TMPRSS15: variants seen among roughly 807,000 people sequenced by gnomAD.
TMPRSS15 encodes the protein transmembrane serine protease 15.
Under a neutral mutation model 125.3 loss-of-function variants are expected in TMPRSS15, and 128 were observed. The observed-to-expected ratio is 1.02, with a 90% CI of 0.89 to 1.18. The LOEUF (loss-of-function observed/expected upper bound fraction) is 1.18, where lower values mean the gene tolerates loss of function less well. TMPRSS15 is among the 50% of genes most tolerant of loss of function. TMPRSS15 has a pLI of 0.00. For missense variants in TMPRSS15, 1,283 were observed against 1,212.7 expected (o/e 1.06, Z -0.86); for synonymous variants, 446 against 423.2 (o/e 1.05, Z -0.66).
At chr21:18,411,898 C>T (rs1343691111) in intron 1 of TMPRSS15, among the ~76,000 whole-genome samples, 1 of 152,114 alleles carries the variant, frequency 6.6e-6, no homozygotes, top group African/African-American at 2.4e-5. Flanking sequence ...TGGCAGTATT[C>T]AAAAATAGAC....
intron 1 of TMPRSS15, among the ~76,000 whole-genome samples, chr21:18,470,544 A>C (rs1978757649): frequency 1.3e-5 from 2 of 152,078 alleles, no homozygotes; most frequent in Admixed American, 1.3e-4. Flanking sequence ...TGTATAAAAG[A>C]AGCAGTATAT....
At chr21:18,472,220 A>T in intron 1 of TMPRSS15, among the ~76,000 whole-genome samples, 1 of 152,160 alleles carries the variant, frequency 6.6e-6, no homozygotes, top group Non-Finnish European at 1.5e-5. Context: ...TATCACTAAA[A>T]AGAAATTTTT....
intron 18 of TMPRSS15, among the ~76,000 whole-genome samples, chr21:18,304,143 T>C (rs894908999): frequency 2.0e-5 from 3 of 152,176 alleles, no homozygotes; most frequent in Admixed American, 6.5e-5. Flanking sequence ...CGTGGGGGTC[T>C]GGGGTGGTTC....
intron 1 of TMPRSS15, among the ~76,000 whole-genome samples, chr21:18,427,838 T>G (rs1353041087): frequency 2.8e-5 from 1 of 36,058 alleles, no homozygotes; most frequent in Non-Finnish European, 5.1e-5. Context: ...ATTCACAACA[T>G]TTGAAGCTTT....
intron 1 of TMPRSS15, among the ~76,000 whole-genome samples, chr21:18,429,324 G>C (rs2076211289): frequency 6.6e-6 from 1 of 152,144 alleles, no homozygotes; most frequent in African/African-American, 2.4e-5. Flanking sequence ...AATGAGCTAA[G>C]ACTTTGGGGG....
intron 2 of TMPRSS15, 103 bp downstream of exon 2, chr21:18,398,096 C>T: frequency 7.1e-7 from 1 of 1,406,162 alleles, no homozygotes; most frequent in Non-Finnish European, 1.0e-6. Flanking sequence ...GTATCTTGGG[C>T]ATATTACATT....
At chr21:18,451,050 A>T (rs1009369475) in intron 1 of TMPRSS15, among the ~76,000 whole-genome samples, 3 of 152,130 alleles carry the variant, frequency 2.0e-5, no homozygotes, top group East Asian at 1.9e-4. Flanking sequence ...TGTTCTATCA[A>T]ATTTATGCAA....
chr21:18,292,422 C>T (rs961874579), intron 21 of TMPRSS15, among the ~76,000 whole-genome samples: 1 of 152,224 alleles, frequency 6.6e-6, no homozygotes, highest in East Asian at 1.9e-4. Context: ...GATCTGGATT[C>T]CTTTTCTCTG....
rs2122953291 is a variant in TMPRSS15, at chr21:18,462,550, TTAAAA to T, written c.10+23244_10+23248del. Among the ~76,000 whole-genome samples, 154 of 152,238 alleles carry T rather than the reference TTAAAA, an allele frequency of 1.0e-3. No homozygotes were observed. In the Middle Eastern group the frequency reaches 0.01, roughly 10 times the overall value. ...ACACCATTATATTTGAATAACATTG[TTAAAA>T]TAAAATAAAATAAAACTTTTGAAAC... On this transcript the variant is annotated intron_variant, in intron 1 of 7. Transcript: ENST00000422787.
intron 1 of TMPRSS15, among the ~76,000 whole-genome samples, chr21:18,430,624 C>G (rs1168516348): frequency 5.3e-5 from 8 of 152,154 alleles, no homozygotes; most frequent in African/African-American, 1.9e-4. Context: ...TTACTACAAT[C>G]TGCTGCTCTG....
chr21:18,322,215 T>C (rs573298916), intron 16 of TMPRSS15, among the ~76,000 whole-genome samples: 1 of 152,276 alleles, frequency 6.6e-6, no homozygotes, highest in South Asian at 2.1e-4. Flanking sequence ...AGGAAATAAA[T>C]GCTGATGAGG....
chr21:18,436,333 T>C (rs2076227829), intron 1 of TMPRSS15, among the ~76,000 whole-genome samples: 2 of 151,964 alleles, frequency 1.3e-5, no homozygotes, highest in Middle Eastern at 6.8e-3. Flanking sequence ...TATGTTGTGT[T>C]TTTGTTCTCA....
chr21:18,270,713 C>CAAACT (rs2074544814), intron 24 of TMPRSS15, among the ~76,000 whole-genome samples: 1 of 152,014 alleles, frequency 6.6e-6, no homozygotes. Context: ...TCTGAGATTT[C>CAAACT]AAACTAAGAA....
chr21:18,379,951 T>C (rs1204396239), intron 4 of TMPRSS15, among the ~76,000 whole-genome samples: 2 of 152,114 alleles, frequency 1.3e-5, no homozygotes, highest in African/African-American at 4.8e-5. Flanking sequence ...AAAAGTAATA[T>C]CTTCATAGTT....
In TMPRSS15 at chr21:18,397,724, A is replaced by T. The variant is rs1024408528; in HGVS notation, c.344+155T>A. On this transcript the variant is annotated intron_variant, in intron 3 of 24. Transcript: ENST00000284885. ...AAAGTTATTATTATTCGCTACTAAA[A>T]TGAAAGTTTATGCTGTGCCACTTTG... Among the ~76,000 whole-genome samples the T allele has an allele frequency of 3.9e-5, 6 of 152,180 alleles. 1 individual carries two copies. Among genetic ancestry groups the T allele is most frequent in the Admixed American group, 2.6e-4 (4 of 15,278 alleles).
chr21:18,338,650 T>G (rs1569017830), intron 13 of TMPRSS15, among the ~76,000 whole-genome samples: 1 of 152,086 alleles, frequency 6.6e-6, no homozygotes, highest in Non-Finnish European at 1.5e-5. Flanking sequence ...ACCAAAATTT[T>G]GTTTAACAAA....
chr21:18,342,488 C>A lies in TMPRSS15; in HGVS notation c.1429-940G>T, dbSNP rs77399590. On this transcript the variant is annotated intron_variant, in intron 12 of 24. Transcript: ENST00000284885. ...AGCCAAAGTGCACGTATCTGTAGAA[C>A]TTGACTCTCTCGCACCACCTCATGA... Among the ~76,000 whole-genome samples the A allele has an allele frequency of 3.0e-3, 460 of 152,348 alleles. 3 individuals are homozygous for A. The highest frequency in any genetic ancestry group is 0.011 in the African/African-American group (444 of 41,574).
At chr21:18,312,881 CTAATTTGATAG>C in intron 18 of TMPRSS15, 53 bp downstream of exon 18, 6 of 1,594,334 alleles carry the variant, frequency 3.8e-6, no homozygotes, top group Non-Finnish European at 5.2e-6. Context: ...CTTATTAAAC[CTAATTTGATAG>C]TAATAAAAAG....
Position 18,332,030 on chromosome 21 carries a change from T to G in TMPRSS15, c.1654+54A>C. On this transcript the variant is annotated intron_variant, in intron 14 of 24. Coordinates refer to ENST00000284885, the MANE Select transcript of TMPRSS15 (RefSeq NM_002772.3). ...TCTACTTTGCTGCGTCAAGGGGAGA[T>G]CTACATTTCATATGGACATTTGTTT... The G allele has an allele frequency of 2.7e-6, 4 of 1,490,998 alleles. No homozygotes were observed. In the Middle Eastern group the frequency reaches 6.9e-4, roughly 255 times the overall value. The allele number at this position is 1,490,998 out of a possible 1,614,324, so 92.4% of individuals were successfully genotyped here.
Sources: allele counts gnomAD v4.1 joint callset (sites outside exome capture counted in the v4.1 genomes callset), GRCh38; gene constraint gnomAD v4.1.1; transcripts MANE v1.5; gene names NCBI Gene and HGNC (gene_info 2026-07-23, HGNC 2026-07-21).